Variants in ZNF521 observed in about 807,000 individuals in gnomAD.
ZNF521 encodes LYST-interacting protein 3.
ZNF521 carries 14 observed loss-of-function variants against 105.5 expected under a neutral mutation model. The observed-to-expected ratio is 0.13, with a 90% confidence interval of 0.09 to 0.21. The LOEUF (loss-of-function observed/expected upper bound fraction) is 0.21, where lower values mean the gene tolerates loss of function less well. Ranked by LOEUF, ZNF521 falls within the 10% of genes least tolerant of loss-of-function variation. The pLI is 1.00. For synonymous variants in ZNF521, 635 were observed against 606.0 expected (o/e 1.05, Z -0.70); for missense variants, 1,233 against 1,629.7 (o/e 0.76, Z 4.19).
At chr18:25,132,449 T>C (rs1407776057) in intron 5 of ZNF521, among the ~76,000 whole-genome samples, 2 of 152,162 alleles carry the variant, frequency 1.3e-5, no homozygotes, top group Non-Finnish European at 2.9e-5. Flanking sequence ...AAGAGAAAAA[T>C]AAATACTTTA....
chr18:25,259,052 A>G (rs922635585), intron 3 of ZNF521, among the ~76,000 whole-genome samples: 2 of 152,222 alleles, frequency 1.3e-5, no homozygotes, highest in Non-Finnish European at 2.9e-5. Flanking sequence ...CACAGAGTCC[A>G]TAAGTAGTGG....
chr18:25,154,341 A>G (rs2035103977), intron 5 of ZNF521, among the ~76,000 whole-genome samples: 1 of 152,224 alleles, frequency 6.6e-6, no homozygotes, highest in South Asian at 2.1e-4. Flanking sequence ...CAAGGTTTAT[A>G]CAAGTTGGCC....
At chr18:25,130,491 T>C (rs1011092534) in intron 5 of ZNF521, among the ~76,000 whole-genome samples, 4 of 152,196 alleles carry the variant, frequency 2.6e-5, no homozygotes, top group African/African-American at 9.6e-5. Flanking sequence ...AACTTTAATG[T>C]ATCATTATTG....
chr18:25,262,735 T>C (rs1252016996), intron 3 of ZNF521, among the ~76,000 whole-genome samples: 9 of 152,168 alleles, frequency 5.9e-5, no homozygotes. Context: ...GAGGGCTGCC[T>C]AGGGCAGTGA....
At chr18:25,109,979 A>C (rs1191715790) in intron 5 of ZNF521, among the ~76,000 whole-genome samples, 2 of 152,164 alleles carry the variant, frequency 1.3e-5, no homozygotes, top group Non-Finnish European at 2.9e-5. Flanking sequence ...AAGTGTTTTT[A>C]ATCTTTATAA....
intron 5 of ZNF521, among the ~76,000 whole-genome samples, chr18:25,111,771 TAAG>T (rs1167833488): frequency 6.6e-6 from 1 of 152,224 alleles, no homozygotes; most frequent in African/African-American, 2.4e-5. Flanking sequence ...TCCCTGCCTC[TAAG>T]AAGAGCACAG....
At chr18:25,247,462 C>A (rs1907810113) in intron 3 of ZNF521, among the ~76,000 whole-genome samples, 1 of 152,148 alleles carries the variant, frequency 6.6e-6, no homozygotes, top group African/African-American at 2.4e-5. Context: ...TTGACCTTGG[C>A]TGCACATTAA....
intron 5 of ZNF521, among the ~76,000 whole-genome samples, chr18:25,129,278 ATT>A (rs71950328): frequency 0.41 from 59,307 of 145,738 alleles, 13,537 homozygotes; most frequent in Non-Finnish European, 0.52. Context: ...TATTATTATT[ATT>A]ATTAATTAAT....
intron 3 of ZNF521, among the ~76,000 whole-genome samples, chr18:25,320,975 T>C (rs1326046258): frequency 1.3e-5 from 2 of 152,192 alleles, no homozygotes; most frequent in African/African-American, 4.8e-5. Flanking sequence ...AATCCAACAT[T>C]CCACAATAAT....
chr18:25,141,888 T>C (rs566459318), intron 5 of ZNF521, among the ~76,000 whole-genome samples: 2 of 152,302 alleles, frequency 1.3e-5, no homozygotes, highest in South Asian at 2.1e-4. Flanking sequence ...CCAGTGTAAC[T>C]TTCCAACATT....
intron 5 of ZNF521, among the ~76,000 whole-genome samples, chr18:25,115,393 A>G (rs747964824): frequency 1.3e-5 from 2 of 152,168 alleles, no homozygotes; most frequent in Non-Finnish European, 2.9e-5. Flanking sequence ...ATTGGGGGCT[A>G]TTATTAGAAT....
At chr18:25,243,530 A>G (rs1464173278) in intron 3 of ZNF521, among the ~76,000 whole-genome samples, 1 of 152,226 alleles carries the variant, frequency 6.6e-6, no homozygotes, top group Non-Finnish European at 1.5e-5. Context: ...CTGGTGTCAA[A>G]ATAACTGAAA....
At chr18:25,322,441 C>T (rs759009330) in intron 2 of ZNF521, 6 of 540,636 alleles carry the variant, frequency 1.1e-5, no homozygotes, top group Non-Finnish European at 2.0e-5. Flanking sequence ...AATCACTCAC[C>T]CACTCTTAAG....
At chr18:25,219,798 T>TA (rs1568015952) in intron 4 of ZNF521, among the ~76,000 whole-genome samples, 1 of 152,142 alleles carries the variant, frequency 6.6e-6, no homozygotes, top group African/African-American at 2.4e-5. Context: ...GCCTGAATGA[T>TA]AGAGTGAGAC....
intron 5 of ZNF521, among the ~76,000 whole-genome samples, chr18:25,182,219 G>A (rs188126661): frequency 7.2e-5 from 11 of 152,236 alleles, no homozygotes; most frequent in African/African-American, 2.6e-4. Flanking sequence ...CAGCAAGCAG[G>A]AGGCAACCCC....
intron 5 of ZNF521, among the ~76,000 whole-genome samples, chr18:25,138,575 G>A (rs571187488): frequency 3.3e-5 from 5 of 152,076 alleles, no homozygotes; most frequent in African/African-American, 7.2e-5. Context: ...TGATTTCATC[G>A]ATAAAGCATT....
chr18:25,167,880 T>C (rs2035374428), intron 5 of ZNF521, among the ~76,000 whole-genome samples: 1 of 152,182 alleles, frequency 6.6e-6, no homozygotes. Flanking sequence ...GAATAAAAAA[T>C]GTACAGTTAG....
At chr18:25,152,473 G>A (rs1047763676) in intron 5 of ZNF521, among the ~76,000 whole-genome samples, 17 of 147,424 alleles carry the variant, frequency 1.2e-4, no homozygotes, top group East Asian at 2.0e-4. Flanking sequence ...AGCGAGACTC[G>A]GTCTCAAAAA....
chr18:25,261,667 T>TAAA (rs1908919373), intron 3 of ZNF521, among the ~76,000 whole-genome samples: 1 of 152,126 alleles, frequency 6.6e-6, no homozygotes. Context: ...ATGCTTTTTT[T>TAAA]TTTAATTTTT....
Sources: allele counts gnomAD v4.1 joint callset (sites outside exome capture counted in the v4.1 genomes callset), GRCh38; gene constraint gnomAD v4.1.1; transcripts MANE v1.5; gene names NCBI Gene and HGNC (gene_info 2026-07-23, HGNC 2026-07-21).